SLC45A1: variants seen among roughly 807,000 people sequenced by gnomAD.
SLC45A1 encodes proton-associated sugar transporter A.
SLC45A1 carries 28 observed loss-of-function variants against 57.6 expected under a neutral mutation model. The observed-to-expected ratio is 0.49, with a 90% CI of 0.36 to 0.67. The LOEUF is 0.67. Ranked by LOEUF, SLC45A1 falls within the 30% of genes least tolerant of loss-of-function variation. SLC45A1 has a pLI of 0.00. For synonymous variants in SLC45A1, 459 were observed against 471.5 expected, an observed-to-expected ratio of 0.97 and a Z score of 0.34; for missense variants, 814 against 1,041.5, an observed-to-expected ratio of 0.78 and a Z score of 3.01.
chr1:8,339,799 C>T (rs1006762244), intron 8 of SLC45A1, 101 bp downstream of exon 8: 1 of 1,136,970 alleles, frequency 8.8e-7, no homozygotes, highest in Admixed American at 1.7e-5. Flanking sequence ...GAGCCCGGTG[C>T]AAAATGTCAA....
chr1:8,324,504 T>TGCCCCCCCCCCCCCC lies in SLC45A1; in HGVS notation c.175_176insGCCCCCCCCCCCCCC (p.Ser59delinsCysProProProProPro). 9.8e-6 allele frequency: 15 copies of TGCCCCCCCCCCCCCC among 1,528,192 alleles called. No individual in the cohort carries two copies. Among genetic ancestry groups the TGCCCCCCCCCCCCCC allele is most frequent in the Non-Finnish European group, 1.4e-5 (15 of 1,108,348 alleles). 94.7% of individuals were successfully genotyped at this position (1,528,192 alleles called of 1,614,324 possible). A position where few individuals can be genotyped will look rare whatever the true frequency, so the allele number is the denominator to read the frequency against. ...CAAGAGGAGGAAGTGCATTCGTCCC[T>TGCCCCCCCCCCCCCC]CCCCACCCCCGCCCCCCAACACCCC... On this transcript the variant is annotated protein_altering_variant, in exon 2 of 9. Coordinates refer to ENST00000471889, the MANE Select transcript of SLC45A1 (RefSeq NM_001080397.3).
At chr1:8,338,833 A>G (rs1253747206) in intron 7 of SLC45A1, among the ~76,000 whole-genome samples, 1 of 152,200 alleles carries the variant, frequency 6.6e-6, no homozygotes, top group East Asian at 1.9e-4. Flanking sequence ...CCTTCGATCC[A>G]TAATCTGCCA....
chr1:8,321,530 A>G (rs895328204), intron 1 of SLC45A1, among the ~76,000 whole-genome samples: 2 of 152,140 alleles, frequency 1.3e-5, no homozygotes, highest in African/African-American at 2.4e-5. Context: ...TCTACCCCCC[A>G]GGAAGGCCCT....
At chr1:8,338,931 C>T (rs531305464) in intron 7 of SLC45A1, among the ~76,000 whole-genome samples, 2 of 152,316 alleles carry the variant, frequency 1.3e-5, no homozygotes, top group Admixed American at 6.5e-5. Context: ...AGAAATTTGT[C>T]AGATCTCACT....
intron 8 of SLC45A1, among the ~76,000 whole-genome samples, chr1:8,340,084 G>A (rs563973186): frequency 6.6e-6 from 1 of 152,140 alleles, no homozygotes; most frequent in South Asian, 2.1e-4. Flanking sequence ...AATCCAGATC[G>A]ATAACATGTT....
chr1:8,335,794 A>C lies in SLC45A1; in HGVS notation c.1597+204A>C, dbSNP rs768301374. Among the ~76,000 whole-genome samples the C allele has an allele frequency of 1.4e-4, 22 of 152,076 alleles. No individual in the cohort carries two copies. Among genetic ancestry groups the C allele is most frequent in the Non-Finnish European group, 3.1e-4 (21 of 67,994 alleles). ...AGGGTGCCTGCCCTGCATAGCCCCA[A>C]ACTAAACCAGGTGTCACCATTGAGA... On this transcript the variant is annotated intron_variant, in intron 6 of 8. Coordinates refer to ENST00000471889, the MANE Select transcript of SLC45A1 (RefSeq NM_001080397.3). The surrounding 1 kb of genome is among the most constrained non-coding windows in gnomAD (Gnocchi z 4.1).
In SLC45A1 at chr1:8,334,968, C is replaced by T. The variant is rs139754405; in HGVS notation, c.1444-469C>T. Among the ~76,000 whole-genome samples the T allele has an allele frequency of 8.5e-4, 130 of 152,166 alleles. 3 individuals are homozygous for T. In the South Asian group the frequency reaches 0.011, roughly 13 times the overall value. On this transcript the variant is annotated intron_variant, in intron 5 of 8. Transcript: ENST00000471889. ...GCTGAGGTGCTCATGTGGGCAGGGC[C>T]GCCCTGTCTTCTGTGTGGTGGGGGT...
Position 8,330,542 on chromosome 1 carries a change from G to T in SLC45A1, c.1049G>T (p.Ser350Ile). 1 of 1,613,362 alleles carries T rather than the reference G, an allele frequency of 6.2e-7. No individual in the cohort carries two copies. Among genetic ancestry groups the T allele is most frequent in the African/African-American group, 1.3e-5 (1 of 75,060 alleles). ...AGCCCCCTCACGCCCAAGTACGGCAGCTTCATCAGCAGGGACAGCTCCCTG... is the reference window on the plus strand; with the variant it reads ...AGCCCCCTCACGCCCAAGTACGGCATCTTCATCAGCAGGGACAGCTCCCTG... ...PPSPLTPKYG[S>I]FISRDSSLTG... Residue 350 changes from serine to isoleucine, a missense_variant, in exon 5 of 9, where the codon AGC becomes ATC. Ser to Ile is a moderately radical substitution (Grantham distance 142, BLOSUM62 -2). Transcript: ENST00000471889. The surrounding 1 kb of genome is among the most constrained non-coding windows in gnomAD (Gnocchi z 8.4).
At position 8,343,721 on chromosome 1, in the gene SLC45A1, C is replaced by CTGACACGT. The variant is rs1557572055; in HGVS notation, c.1981-24_1981-17dup. Reference sequence around the variant, plus strand: ...CCCGTGCTGGCCGCGGCGTGTCTCGCTGACACGTTTCTTCCTCTGGGTCAG... The same window carrying CTGACACGT: ...CCCGTGCTGGCCGCGGCGTGTCTCGCTGACACGTTGACACGTTTCTTCCTCTGGGTCAG... On this transcript the variant is annotated intron_variant, in intron 8 of 8. Coordinates refer to ENST00000471889, the MANE Select transcript of SLC45A1 (RefSeq NM_001080397.3). The surrounding 1 kb of genome is among the most constrained non-coding windows in gnomAD (Gnocchi z 7.7). The CTGACACGT allele has an allele frequency of 6.3e-7, 1 of 1,593,634 alleles. No homozygotes were observed. Among genetic ancestry groups the CTGACACGT allele is most frequent in the South Asian group, 1.1e-5 (1 of 90,356 alleles).
intron 8 of SLC45A1, among the ~76,000 whole-genome samples, 197 bp downstream of exon 8, chr1:8,339,895 T>G (rs1640756819): frequency 6.6e-6 from 1 of 152,170 alleles, no homozygotes; most frequent in South Asian, 2.1e-4. Flanking sequence ...ATTGCTTCAT[T>G]AGCAGAAGCC....
chr1:8,339,772 C>G, intron 8 of SLC45A1, 74 bp downstream of exon 8: 1 of 1,353,276 alleles, frequency 7.4e-7, no homozygotes, highest in Non-Finnish European at 1.1e-6. Context: ...CCCCCAGGAC[C>G]AGCTGCACAA....
Position 8,330,026 on chromosome 1 carries a change from A to G in SLC45A1, c.716-183A>G, listed in dbSNP as rs1569944895. On this transcript the variant is annotated intron_variant, in intron 4 of 8. Coordinates refer to ENST00000471889, the MANE Select transcript of SLC45A1 (RefSeq NM_001080397.3). This position sits in a 1 kb window ranked among gnomAD's most constrained non-coding sequence, Gnocchi z 8.4. Reference sequence around the variant, plus strand: ...GGTGGCTGTGCAGGACAGGAGGGGGACCTCCTCAAGGGGCCCGCCCTGGGA... The same window carrying G: ...GGTGGCTGTGCAGGACAGGAGGGGGGCCTCCTCAAGGGGCCCGCCCTGGGA... The G allele has an allele frequency of 7.2e-6, 5 of 694,258 alleles. No homozygotes were observed. In the South Asian group the frequency reaches 9.5e-5, roughly 13 times the overall value. The allele number at this position is 694,258 out of a possible 1,614,324, so 43.0% of individuals were successfully genotyped here.
At chr1:8,329,349 C>G (rs1188083143) in intron 4 of SLC45A1, among the ~76,000 whole-genome samples, 1 of 152,244 alleles carries the variant, frequency 6.6e-6, no homozygotes, top group African/African-American at 2.4e-5. Flanking sequence ...CCTCTCAACA[C>G]TAGACCGACT....
chr1:8,335,496 GC>G lies in SLC45A1; in HGVS notation c.1504del (p.Arg502AlafsTer72). 6.2e-7 allele frequency: 1 copy of G among 1,602,764 alleles called. No homozygotes were observed. Among genetic ancestry groups the G allele is most frequent in the Non-Finnish European group, 8.5e-7 (1 of 1,179,638 alleles). On this transcript the variant is annotated frameshift_variant, in exon 6 of 9. Coordinates refer to ENST00000471889, the MANE Select transcript of SLC45A1 (RefSeq NM_001080397.3). LOFTEE classifies it high-confidence loss of function. The surrounding 1 kb of genome is among the most constrained non-coding windows in gnomAD (Gnocchi z 4.1). The part of the protein sequence containing the change: ...YESELTGSSE[R>X]AEQPLSVGRL... Reference sequence around the variant, plus strand: ...AGAGCGAGCTGACGGGCTCCAGCGAGCGCGCGGAGCAGCCTCTGTCCGTGGG... The same window carrying G: ...AGAGCGAGCTGACGGGCTCCAGCGAGGCGCGGAGCAGCCTCTGTCCGTGGG...
chr1:8,338,425 G>A (rs948555000), intron 7 of SLC45A1, among the ~76,000 whole-genome samples: 1 of 152,232 alleles, frequency 6.6e-6, no homozygotes, highest in Non-Finnish European at 1.5e-5. Context: ...CAGGGGCCAG[G>A]GGCCCAGATG....
At chr1:8,318,357 C>G (rs1443501319) in intron 1 of SLC45A1, among the ~76,000 whole-genome samples, 171 bp downstream of exon 1, 2 of 152,226 alleles carry the variant, frequency 1.3e-5, no homozygotes, top group Non-Finnish European at 2.9e-5. Flanking sequence ...CGGAGCTCCC[C>G]CGTCTCGCCC....
chr1:8,343,521 C>T lies in SLC45A1; in HGVS notation c.1981-226C>T, dbSNP rs763149157. Among the ~76,000 whole-genome samples the T allele has an allele frequency of 6.6e-6, 1 of 152,160 alleles. No homozygotes were observed. Among genetic ancestry groups the T allele is most frequent in the Non-Finnish European group, 1.5e-5 (1 of 68,020 alleles). ...CCCGCCACCTCGGCCCGTGGGAGCT[C>T]AGCCCTCTGCCCCATTAGTCATGGA... On this transcript the variant is annotated intron_variant, in intron 8 of 8. Transcript: ENST00000471889. The surrounding 1 kb of genome is among the most constrained non-coding windows in gnomAD (Gnocchi z 7.7).
intron 1 of SLC45A1, among the ~76,000 whole-genome samples, chr1:8,322,666 A>C (rs1640069982): frequency 6.6e-6 from 1 of 152,180 alleles, no homozygotes; most frequent in African/African-American, 2.4e-5. Context: ...ATGTCAGGAA[A>C]AAAGTGGCTT....
In SLC45A1 at chr1:8,324,720, A is replaced by G. The variant is rs1331877628; in HGVS notation, c.391A>G (p.Ile131Val). 6.3e-7 allele frequency: 1 copy of G among 1,583,408 alleles called. No homozygotes were observed. Among genetic ancestry groups the G allele is most frequent in the Non-Finnish European group, 8.6e-7 (1 of 1,163,962 alleles). The change falls in exon 2 of 9, where the codon ATC becomes GTC. Residue 131 changes from isoleucine to valine, a missense_variant. By Grantham distance (29) the Ile-to-Val change is conservative. Transcript: ENST00000471889. ...CAGCCTGGTGTGGTTCATCAGCCCCATCCTCGGTGAGCCCCGGCTCCTCCC... is the reference window on the plus strand; with the variant it reads ...CAGCCTGGTGTGGTTCATCAGCCCCGTCCTCGGTGAGCCCCGGCTCCTCCC... ...LYSLVWFISP[I>V]LGFLLQPLLG...
Sources: gnomAD v4.1 joint callset for allele counts (sites outside exome capture counted in the v4.1 genomes callset) on GRCh38, gnomAD v4.1.1 for gene constraint, Gnocchi (gnomAD v3.1) non-coding constraint, MANE v1.5 for transcripts, NCBI Gene and HGNC (gene_info 2026-07-23, HGNC 2026-07-21) for gene names.